RPS3: variants seen among roughly 807,000 people sequenced by gnomAD.
RPS3 encodes the protein small ribosomal subunit protein uS3.
Under a neutral mutation model 25.8 loss-of-function variants are expected in RPS3, and 2 were observed. That is an observed-to-expected ratio of 0.08 (90% confidence interval 0.03 to 0.24). RPS3 has a LOEUF of 0.24. Among genes scored for constraint, RPS3 ranks in the 10% least tolerant of loss-of-function variants. The pLI is 1.00. For synonymous variants in RPS3, 114 were observed against 114.2 expected, an observed-to-expected ratio of 1.00 and a Z score of 0.01; for missense variants, 107 against 307.1, an observed-to-expected ratio of 0.35 and a Z score of 4.87.
chr11:75,410,045 G>A (rs1341097668), downstream of RPS3, among the ~76,000 whole-genome samples: 13 of 140,994 alleles, frequency 9.2e-5, no homozygotes, highest in African/African-American at 2.4e-4. Context: ...CCTCCCGGAC[G>A]GGGCGGCTGG....
intron 6 of RPS3, among the ~76,000 whole-genome samples, chr11:75,418,171 G>A (rs1465893380): frequency 2.0e-5 from 3 of 152,252 alleles, no homozygotes; most frequent in Non-Finnish European, 4.4e-5. Flanking sequence ...GGGCAGGCTG[G>A]CATTGGGCCA....
chr11:75,416,458 C>CTTTTTTTTTTTTTTTTTTTT lies in RPS3; in HGVS notation c.*4-5268_*4-5267insTTTTTTTTTTTTTTTTTTTT, dbSNP rs72030839. On this transcript the variant is annotated intron_variant, in intron 6 of 6. Transcript: ENST00000527446. ...GTTCCATTTTCCATCTTGATTATTT[C>CTTTTTTTTTTTTTTTTTTTT]TATTTTTTTTTTTTTTTTTTGAGAC... is the stretch of plus-strand genomic sequence containing the variant. Among the ~76,000 whole-genome samples the CTTTTTTTTTTTTTTTTTTTT allele has an allele frequency of 1.6e-5, 2 of 125,976 alleles. 1 individual carries two copies. The allele number at this position is 125,976 out of a possible 152,430, so 82.6% of individuals were successfully genotyped here.
chr11:75,416,970 G>T (rs769317733), intron 6 of RPS3, among the ~76,000 whole-genome samples: 16 of 152,062 alleles, frequency 1.1e-4, no homozygotes, highest in South Asian at 6.2e-4. Flanking sequence ...ACCCAGACTG[G>T]TATGACTCTC....
chr11:75,404,366 T>G lies in RPS3; in HGVS notation c.538+159T>G, dbSNP rs1948252874. On this transcript the variant is annotated intron_variant, in intron 5 of 6. Coordinates refer to ENST00000531188, the MANE Select transcript of RPS3 (RefSeq NM_001005.5). This position sits in a 1 kb window ranked among gnomAD's most constrained non-coding sequence, Gnocchi z 4.6. ...CGTTGATCTGTAAGAATCGATTTGC[T>G]GAGATCTGTCAGATCCAAGAGTTGG... 3 of 826,720 alleles carry G rather than the reference T, an allele frequency of 3.6e-6. No homozygotes were observed. The South Asian group carries it at 4.2e-5, about 12-fold the overall frequency. The allele number at this position is 826,720 out of a possible 1,614,324, so 51.2% of individuals were successfully genotyped here.
chr11:75,409,226 C>G (rs567744892), downstream of RPS3, among the ~76,000 whole-genome samples: 1 of 144,578 alleles, frequency 6.9e-6, no homozygotes, highest in Non-Finnish European at 1.5e-5. Flanking sequence ...TTGGGTGTTT[C>G]TCGCAGAGGG....
chr11:75,413,295 C>T (rs185327759), intron 6 of RPS3, among the ~76,000 whole-genome samples: 58 of 151,628 alleles, frequency 3.8e-4, no homozygotes, highest in African/African-American at 7.3e-4. Flanking sequence ...GGCTGGAGTG[C>T]GGTGGTGCGA....
At chr11:75,416,349 T>A (rs754933320) in intron 6 of RPS3, among the ~76,000 whole-genome samples, 39 of 152,246 alleles carry the variant, frequency 2.6e-4, no homozygotes, top group Non-Finnish European at 5.3e-4. Context: ...ATGCTTTCTG[T>A]TTCTGTTCAA....
downstream of RPS3, among the ~76,000 whole-genome samples, chr11:75,410,906 T>A (rs1334715462): frequency 6.6e-6 from 1 of 152,136 alleles, no homozygotes; most frequent in Admixed American, 6.5e-5. Flanking sequence ...TGAGACAGTC[T>A]CGCTCTGTCA....
chr11:75,416,478 T>TTTTTA (rs1948400471), intron 6 of RPS3, among the ~76,000 whole-genome samples: 3 of 150,714 alleles, frequency 2.0e-5, no homozygotes, highest in African/African-American at 4.9e-5. Context: ...TTTTTTTTTT[T>TTTTTA]GAGACAAAGT....
rs145125028 is a variant in RPS3, at chr11:75,415,711, C to T, written c.*4-6016C>T. Among the ~76,000 whole-genome samples, 1,249 of 148,900 alleles carry T rather than the reference C, an allele frequency of 8.4e-3. 23 individuals are homozygous for T. The highest frequency in any genetic ancestry group is 0.029 in the African/African-American group (1,180 of 40,574). On this transcript the variant is annotated intron_variant, in intron 6 of 6. Transcript: ENST00000527446. ...ATTCCAGCTACTTGGGAGGCTGAGG[C>T]GGGAAAATCTCTTGAACCTGGGAGG...
At chr11:75,413,314 C>T (rs2135068032) in intron 6 of RPS3, among the ~76,000 whole-genome samples, 1 of 151,922 alleles carries the variant, frequency 6.6e-6, no homozygotes, top group South Asian at 2.1e-4. Flanking sequence ...GATCTCGACT[C>T]ACTGCGATCT....
At chr11:75,400,041 A>T (rs908037026) in intron 1 of RPS3, among the ~76,000 whole-genome samples, 22 of 152,136 alleles carry the variant, frequency 1.4e-4, no homozygotes, top group African/African-American at 4.3e-4. Flanking sequence ...CCCCGGGAGG[A>T]AGCTGCCTCG....
downstream of RPS3, among the ~76,000 whole-genome samples, chr11:75,411,171 C>T (rs1237878498): frequency 2.0e-5 from 3 of 151,708 alleles, no homozygotes; most frequent in African/African-American, 7.3e-5. Context: ...CCACCGTGCC[C>T]GGCCTAATTT....
downstream of RPS3, among the ~76,000 whole-genome samples, chr11:75,407,859 T>C (rs1948304512): frequency 6.6e-6 from 1 of 152,240 alleles, no homozygotes; most frequent in Non-Finnish European, 1.5e-5. Flanking sequence ...ATGAGTTTTC[T>C]CCAGTCCACT....
At chr11:75,417,937 C>T (rs2135072196) in intron 6 of RPS3, among the ~76,000 whole-genome samples, 1 of 152,332 alleles carries the variant, frequency 6.6e-6, no homozygotes. Context: ...TGAGCATTGG[C>T]CAAAATGACC....
chr11:75,415,700 G>A (rs1444604887), intron 6 of RPS3, among the ~76,000 whole-genome samples: 5 of 152,022 alleles, frequency 3.3e-5, no homozygotes, highest in Non-Finnish European at 7.4e-5. Context: ...CAGCTACTTG[G>A]GAGGCTGAGG....
chr11:75,410,024 G>A (rs1388994476), downstream of RPS3, among the ~76,000 whole-genome samples: 50 of 131,876 alleles, frequency 3.8e-4, no homozygotes, highest in Non-Finnish European at 5.2e-4. Flanking sequence ...GCCGGGCAGA[G>A]GCGCCCCTCA....
Position 75,399,585 on chromosome 11 carries a change from T to G in RPS3, c.30+8T>G, listed in dbSNP as rs764195666. 1.2e-6 allele frequency: 2 copies of G among 1,612,874 alleles called. No homozygotes were observed. The highest frequency in any genetic ancestry group is 2.2e-5 in the South Asian group (2 of 91,024). ...ATATCCAAGAAGAGGAAGGTGAGCC[T>G]CTGGGGACTGGGTTCGGAGAACGAC... On this transcript the variant is annotated splice_region_variant and intron_variant, in intron 1 of 6. Transcript: ENST00000531188.
intron 1 of RPS3, among the ~76,000 whole-genome samples, chr11:75,400,139 T>G (rs144743155): frequency 6.4e-4 from 97 of 152,318 alleles, no homozygotes; most frequent in African/African-American, 2.2e-3. Flanking sequence ...GTATATACAC[T>G]TCGATGTCAA....
Sources: gnomAD v4.1 joint callset for allele counts (sites outside exome capture counted in the v4.1 genomes callset) on GRCh38, gnomAD v4.1.1 for gene constraint, Gnocchi (gnomAD v3.1) non-coding constraint, MANE v1.5 for transcripts, NCBI Gene and HGNC (gene_info 2026-07-23, HGNC 2026-07-21) for gene names.